Variants in PHF20 observed in about 807,000 individuals in gnomAD.
The protein encoded by PHF20 is PHD finger protein 20.
In PHF20, 23 loss-of-function variants were observed where a neutral mutation model predicts 113.5. The ratio of observed to expected loss-of-function variants is 0.20; its 90% CI spans 0.15 to 0.29. The LOEUF (loss-of-function observed/expected upper bound fraction) is 0.29, where lower values mean the gene tolerates loss of function less well. PHF20 is among the 10% of genes least tolerant of loss of function. The pLI is 1.00. For missense variants in PHF20, 943 were observed against 1,219.6 expected (o/e 0.77, Z 3.38); for synonymous variants, 434 against 457.3 (o/e 0.95, Z 0.65).
intron 13 of PHF20, among the ~76,000 whole-genome samples, chr20:35,920,924 C>T (rs2147096856): frequency 6.6e-6 from 1 of 152,190 alleles, no homozygotes; most frequent in Middle Eastern, 3.4e-3. Context: ...TTCATAGAAC[C>T]CCAAAATGTG....
At chr20:35,817,841 C>T (rs1270914206) in intron 2 of PHF20, among the ~76,000 whole-genome samples, 6 of 151,838 alleles carry the variant, frequency 4.0e-5, no homozygotes, top group Non-Finnish European at 8.8e-5. Context: ...GGTGTTGTGG[C>T]TTATGCCTGT....
At chr20:35,804,232 T>G (rs1411814375) in intron 2 of PHF20, among the ~76,000 whole-genome samples, 1 of 136,386 alleles carries the variant, frequency 7.3e-6, no homozygotes, top group Non-Finnish European at 1.6e-5. Flanking sequence ...ACTGTATGTT[T>G]TTTTTTTTTT....
chr20:35,879,109 A>G (rs757848925), intron 9 of PHF20, among the ~76,000 whole-genome samples: 9 of 152,200 alleles, frequency 5.9e-5, no homozygotes, highest in Non-Finnish European at 1.3e-4. Flanking sequence ...GATGTTATAG[A>G]AGAGTCCTAT....
At chr20:35,890,028 C>T (rs938047313) in intron 9 of PHF20, among the ~76,000 whole-genome samples, 6 of 151,262 alleles carry the variant, frequency 4.0e-5, no homozygotes, top group African/African-American at 1.5e-4. Context: ...CATCCCTGGC[C>T]CTATTTATTT....
chr20:35,871,148 T>C lies in PHF20; in HGVS notation c.1102+14T>C. ...AATCTGAAGAAGGTGAGTCAGTCTGTTCAGGAATTGTCTTGCCAACCTGGT... is the reference window on the plus strand; with the variant it reads ...AATCTGAAGAAGGTGAGTCAGTCTGCTCAGGAATTGTCTTGCCAACCTGGT... On this transcript the variant is annotated intron_variant, in intron 8 of 17. Transcript: ENST00000374012. The C allele has an allele frequency of 6.3e-7, 1 of 1,597,882 alleles. No individual in the cohort carries two copies. The highest frequency in any genetic ancestry group is 8.5e-7 in the Non-Finnish European group (1 of 1,175,226).
At chr20:35,820,426 C>G (rs993643116) in intron 2 of PHF20, among the ~76,000 whole-genome samples, 1 of 149,882 alleles carries the variant, frequency 6.7e-6, no homozygotes, top group African/African-American at 2.5e-5. Flanking sequence ...GTGATAAATG[C>G]TAGAAAGTGG....
chr20:35,859,040 T>C (rs972823182), intron 5 of PHF20, among the ~76,000 whole-genome samples: 1 of 152,244 alleles, frequency 6.6e-6, no homozygotes, highest in Non-Finnish European at 1.5e-5. Context: ...GTTGAATTGC[T>C]TGAGGAGACC....
rs1040438198 is a variant in PHF20, at chr20:35,896,077, T to G, written c.1283-3293T>G. Among the ~76,000 whole-genome samples, 3 of 143,054 alleles carry G rather than the reference T, an allele frequency of 2.1e-5. No homozygotes were observed. In the Admixed American group the frequency reaches 2.1e-4, roughly 10 times the overall value. The allele number at this position is 143,054 out of a possible 152,430, so 93.8% of individuals were successfully genotyped here. On this transcript the variant is annotated intron_variant, in intron 9 of 17. Coordinates refer to ENST00000374012, the MANE Select transcript of PHF20 (RefSeq NM_016436.5). Reference sequence around the variant, plus strand: ...AAAGTGATTTTAAGGCATTATGCTTTGGGATGTGTGTGTGTGTGTGTGTGT... The same window carrying G: ...AAAGTGATTTTAAGGCATTATGCTTGGGGATGTGTGTGTGTGTGTGTGTGT...
rs140075770 is a variant in PHF20, at chr20:35,888,562, A to C, written c.1283-10808A>C. Among the ~76,000 whole-genome samples, 337 of 152,244 alleles carry C rather than the reference A, an allele frequency of 2.2e-3. 1 individual carries two copies. Among genetic ancestry groups the C allele is most frequent in the African/African-American group, 7.5e-3 (310 of 41,540 alleles). On this transcript the variant is annotated intron_variant, in intron 9 of 17. Coordinates refer to ENST00000374012, the MANE Select transcript of PHF20 (RefSeq NM_016436.5). ...AGGAATAAACTGGTTTCAGTAGATG[A>C]CCTTATCCCAAGAGTAATTGAGTTC...
intron 9 of PHF20, among the ~76,000 whole-genome samples, chr20:35,892,804 C>A (rs2054900846): frequency 6.6e-6 from 1 of 152,138 alleles, no homozygotes; most frequent in Non-Finnish European, 1.5e-5. Context: ...TATCAACTGG[C>A]TTATAATCAG....
At chr20:35,816,144 G>T (rs1214430388) in intron 2 of PHF20, among the ~76,000 whole-genome samples, 2 of 151,630 alleles carry the variant, frequency 1.3e-5, no homozygotes, top group Non-Finnish European at 2.9e-5. Context: ...TTTAGTGGAG[G>T]TGGGGTTTTA....
At chr20:35,814,958 G>A (rs1361376509) in intron 2 of PHF20, among the ~76,000 whole-genome samples, 1 of 151,912 alleles carries the variant, frequency 6.6e-6, no homozygotes, top group Non-Finnish European at 1.5e-5. Context: ...CACTTTGGGA[G>A]GCTAAGGTGG....
At chr20:35,892,350 C>T (rs2054889838) in intron 9 of PHF20, among the ~76,000 whole-genome samples, 1 of 150,072 alleles carries the variant, frequency 6.7e-6, no homozygotes, top group Non-Finnish European at 1.5e-5. Context: ...GCTAGGATTA[C>T]AGGCGTGAGC....
chr20:35,857,506 G>A (rs903938328), intron 4 of PHF20, among the ~76,000 whole-genome samples: 1 of 146,374 alleles, frequency 6.8e-6, no homozygotes, highest in Non-Finnish European at 1.5e-5. Context: ...TGGATTTTGA[G>A]TTGTGGAAAT....
intron 1 of PHF20, among the ~76,000 whole-genome samples, chr20:35,775,630 T>C (rs899270365): frequency 6.6e-6 from 1 of 151,676 alleles, no homozygotes; most frequent in Non-Finnish European, 1.5e-5. Flanking sequence ...GGCAGGCACC[T>C]GTAATCCCAG....
At chr20:35,827,775 T>G (rs1600793118) in intron 2 of PHF20, among the ~76,000 whole-genome samples, 1 of 123,704 alleles carries the variant, frequency 8.1e-6, no homozygotes, top group Admixed American at 9.0e-5. Flanking sequence ...AGAGCGAGAC[T>G]CCATCTCAGA....
At position 35,927,927 on chromosome 20, in the gene PHF20, TG is replaced by T. The variant is rs765674485; in HGVS notation, c.2104+50del. The T allele has an allele frequency of 2.3e-5, 29 of 1,272,984 alleles. No individual in the cohort carries two copies. The South Asian group carries it at 3.0e-4, about 13-fold the overall frequency. 78.9% of individuals were successfully genotyped at this position (1,272,984 alleles called of 1,614,324 possible). A position where few individuals can be genotyped will look rare whatever the true frequency, so the allele number is the denominator to read the frequency against. ...ATATAACAGTATGTAGCCTTTTCCT[TG>T]GCACAGCTGGCTGTGACACATTCTA... On this transcript the variant is annotated intron_variant, in intron 14 of 17. Transcript: ENST00000374012.
At chr20:35,840,542 C>T (rs573554634) in intron 2 of PHF20, among the ~76,000 whole-genome samples, 14 of 152,228 alleles carry the variant, frequency 9.2e-5, no homozygotes, top group African/African-American at 3.1e-4. Context: ...GGCCCACAAT[C>T]GTAGCTGTGA....
At chr20:35,792,568 C>T (rs914889032) in intron 1 of PHF20, among the ~76,000 whole-genome samples, 1 of 151,990 alleles carries the variant, frequency 6.6e-6, no homozygotes, top group Admixed American at 6.6e-5. Flanking sequence ...CCTTTCCTCC[C>T]TCCTTCCCTA....
Sources: gnomAD v4.1 joint callset for allele counts (sites outside exome capture counted in the v4.1 genomes callset) on GRCh38, gnomAD v4.1.1 for gene constraint, MANE v1.5 for transcripts, NCBI Gene and HGNC (gene_info 2026-07-23, HGNC 2026-07-21) for gene names.